The following NOS1AP variants were observed in gnomAD, a reference collection of about 807,000 sequenced individuals.
NOS1AP encodes the protein carboxyl-terminal PDZ ligand of neuronal nitric oxide synthase protein.
A neutral mutation model predicts 56.2 loss-of-function variants in NOS1AP; 21 were observed. The observed-to-expected ratio is 0.37, with a 90% CI of 0.26 to 0.54. The LOEUF (loss-of-function observed/expected upper bound fraction) is 0.54. Among genes scored for constraint, NOS1AP ranks in the 20% least tolerant of loss-of-function variants. The pLI, the probability that NOS1AP is intolerant of heterozygous loss-of-function variation, is 0.84. For missense variants in NOS1AP, 522 were observed against 657.8 expected (o/e 0.79, Z 2.26); for synonymous variants, 270 against 274.6 (o/e 0.98, Z 0.17).
At chr1:162,318,031 C>T (rs1656288411) in intron 4 of NOS1AP, among the ~76,000 whole-genome samples, 1 of 152,162 alleles carries the variant, frequency 6.6e-6, no homozygotes, top group Non-Finnish European at 1.5e-5. Flanking sequence ...AGGACTGGCC[C>T]CCACCTTAGT....
At chr1:162,325,774 T>C (rs1656569538) in intron 4 of NOS1AP, among the ~76,000 whole-genome samples, 1 of 152,076 alleles carries the variant, frequency 6.6e-6, no homozygotes, top group South Asian at 2.1e-4. Flanking sequence ...TCAGGTGACT[T>C]GGTACCTTAT....
At chr1:162,104,378 A>ATG (rs1647417705) in intron 1 of NOS1AP, among the ~76,000 whole-genome samples, 1 of 152,018 alleles carries the variant, frequency 6.6e-6, no homozygotes, top group Non-Finnish European at 1.5e-5. Flanking sequence ...TCTGACTAGT[A>ATG]TGTGTCTTGG....
intron 2 of NOS1AP, among the ~76,000 whole-genome samples, chr1:162,168,913 T>C (rs945337494): frequency 6.6e-6 from 1 of 152,198 alleles, no homozygotes; most frequent in Admixed American, 6.5e-5. Flanking sequence ...CAGGCCTGAA[T>C]ACCCAAACCA....
intron 2 of NOS1AP, among the ~76,000 whole-genome samples, chr1:162,241,069 C>T (rs1280762009): frequency 1.3e-5 from 2 of 152,128 alleles, no homozygotes; most frequent in East Asian, 1.9e-4. Context: ...CTTTTTGTAA[C>T]TCACAGAAAG....
At chr1:162,348,662 C>A (rs1399843616) in intron 6 of NOS1AP, among the ~76,000 whole-genome samples, 2 of 152,274 alleles carry the variant, frequency 1.3e-5, no homozygotes, top group South Asian at 4.1e-4. Context: ...TTAAGATGTC[C>A]AACAGAGCAC....
chr1:162,295,669 A>C (rs772636035), intron 3 of NOS1AP, among the ~76,000 whole-genome samples: 1 of 152,264 alleles, frequency 6.6e-6, no homozygotes, highest in Non-Finnish European at 1.5e-5. Context: ...GACAGGAAGA[A>C]TCAAATTGTT....
intron 2 of NOS1AP, among the ~76,000 whole-genome samples, chr1:162,185,844 GATGT>G (rs1353722671): frequency 2.0e-5 from 3 of 152,174 alleles, no homozygotes; most frequent in Admixed American, 2.0e-4. Context: ...AGAAAGAAAG[GATGT>G]ATGCACTCTC....
intron 2 of NOS1AP, among the ~76,000 whole-genome samples, chr1:162,214,548 A>C (rs185015786): frequency 6.6e-6 from 1 of 152,176 alleles, no homozygotes; most frequent in African/African-American, 2.4e-5. Flanking sequence ...TTTTCTGTTC[A>C]AAAATAATTC....
At chr1:162,313,712 A>C (rs1029807748) in intron 4 of NOS1AP, among the ~76,000 whole-genome samples, 11 of 152,140 alleles carry the variant, frequency 7.2e-5, no homozygotes, top group Non-Finnish European at 1.3e-4. Flanking sequence ...AATGCATAGA[A>C]AGCAGTCAGC....
rs189691463 is a variant in NOS1AP, at chr1:162,156,183, G to A, written c.177+1707G>A. Among the ~76,000 whole-genome samples the A allele has an allele frequency of 3.7e-4, 57 of 152,224 alleles. 2 individuals are homozygous for A. Among genetic ancestry groups the A allele is most frequent in the Admixed American group, 2.4e-3 (36 of 15,294 alleles). On this transcript the variant is annotated intron_variant, in intron 2 of 9. Transcript: ENST00000361897. ...ATTGAGACTGCTATTAAATACAACA[G>A]TACTGTTTTTCATGGACACAGTAAG...
At chr1:162,339,555 A>G (rs1236269559) in intron 5 of NOS1AP, among the ~76,000 whole-genome samples, 4 of 152,176 alleles carry the variant, frequency 2.6e-5, no homozygotes, top group African/African-American at 9.7e-5. Context: ...GTATGTCGTC[A>G]TGAGGTGGGA....
chr1:162,257,561 A>C (rs1654072268), intron 2 of NOS1AP, among the ~76,000 whole-genome samples: 1 of 151,892 alleles, frequency 6.6e-6, no homozygotes, highest in Non-Finnish European at 1.5e-5. Context: ...AGGCAGGAGA[A>C]TCTCTTGAAT....
At chr1:162,221,049 C>A (rs1023353347) in intron 2 of NOS1AP, among the ~76,000 whole-genome samples, 1 of 152,202 alleles carries the variant, frequency 6.6e-6, no homozygotes, top group Non-Finnish European at 1.5e-5. Context: ...TCAAGTGATT[C>A]TCCTGCCTCA....
At chr1:162,206,209 C>G (rs772286921) in intron 2 of NOS1AP, among the ~76,000 whole-genome samples, 4 of 151,790 alleles carry the variant, frequency 2.6e-5, no homozygotes, top group Non-Finnish European at 5.9e-5. Context: ...CTCCAGGGAG[C>G]TCTGGAAAGG....
At chr1:162,355,822 T>C (rs1657687423) in intron 7 of NOS1AP, among the ~76,000 whole-genome samples, 2 of 152,140 alleles carry the variant, frequency 1.3e-5, no homozygotes, top group Admixed American at 6.5e-5. Context: ...CCACTGGATG[T>C]CAGAAACTGA....
At chr1:162,272,775 G>T (rs1654623527) in intron 2 of NOS1AP, among the ~76,000 whole-genome samples, 1 of 152,182 alleles carries the variant, frequency 6.6e-6, no homozygotes, top group South Asian at 2.1e-4. Context: ...TGAGACTGGG[G>T]TGAGACTTTT....
chr1:162,117,668 G>C (rs1314455899), intron 1 of NOS1AP, among the ~76,000 whole-genome samples: 1 of 152,216 alleles, frequency 6.6e-6, no homozygotes, highest in Middle Eastern at 3.2e-3. Context: ...AATAAAAAGG[G>C]GGGCTGGTGC....
chr1:162,285,609 A>T (rs1389761938), intron 2 of NOS1AP, among the ~76,000 whole-genome samples: 1 of 152,072 alleles, frequency 6.6e-6, no homozygotes, highest in Admixed American at 6.5e-5. Context: ...CAGTGCAAAA[A>T]AAAAATCCTG....
intron 2 of NOS1AP, among the ~76,000 whole-genome samples, chr1:162,183,404 A>G (rs952892199): frequency 2.0e-5 from 3 of 152,244 alleles, no homozygotes; most frequent in African/African-American, 7.2e-5. Flanking sequence ...ATAGTAAATG[A>G]GCACTGGCTT....
Sources: allele counts gnomAD v4.1 joint callset (sites outside exome capture counted in the v4.1 genomes callset), GRCh38; gene constraint gnomAD v4.1.1; transcripts MANE v1.5; gene names NCBI Gene and HGNC (gene_info 2026-07-23, HGNC 2026-07-21).